Variants in ZNF74 observed in about 807,000 individuals in gnomAD.
ZNF74 encodes zinc finger protein 74, also known as zinc finger protein 520.
ZNF74 carries 12 observed loss-of-function variants against 17.7 expected under a neutral mutation model. That is an observed-to-expected ratio of 0.68 (90% CI 0.43 to 1.10). ZNF74 has a LOEUF of 1.10. ZNF74 is among the 50% of genes least tolerant of loss of function. The pLI, the probability that ZNF74 is intolerant of heterozygous loss-of-function variation, is 0.00. For missense variants in ZNF74, 811 were observed against 881.0 expected, an observed-to-expected ratio of 0.92 and a Z score of 1.01; for synonymous variants, 358 against 362.1, an observed-to-expected ratio of 0.99 and a Z score of 0.13.
chr22:20,405,313 T>C, intron 4 of ZNF74, 64 bp from the exon 5 acceptor site: 1 of 1,515,122 alleles, frequency 6.6e-7, no homozygotes, highest in South Asian at 1.3e-5. Flanking sequence ...AGGCCAATTC[T>C]CAAATCTGAA....
At chr22:20,397,693 TCA>T (rs2052310859) in intron 2 of ZNF74, among the ~76,000 whole-genome samples, 2 of 152,230 alleles carry the variant, frequency 1.3e-5, no homozygotes, top group Non-Finnish European at 2.9e-5. Context: ...GTTGTGTGAA[TCA>T]GTAGTTTGTT....
chr22:20,396,829 C>T (rs191328713), intron 2 of ZNF74, among the ~76,000 whole-genome samples: 3 of 152,214 alleles, frequency 2.0e-5, no homozygotes, highest in Non-Finnish European at 4.4e-5. Context: ...GTCATTACCA[C>T]ATCAGCATCT....
Position 20,405,767 on chromosome 22 carries a change from A to G in ZNF74, c.734A>G (p.Glu245Gly). ...VRRQRGAGAG[E>G]GEFVCGECGK... ...CGGCAGCGCGGGGCGGGCGCCGGGG[A>G]GGGCGAGTTCGTGTGCGGCGAGTGC... Residue 245 changes from glutamate (E) to glycine (G), a missense_variant, in exon 5 of 5, where the codon GAG becomes GGG. This residue lies in a region of ZNF74 where 666 missense variants were observed against 702.3 expected (regional missense o/e 0.95). Coordinates refer to ENST00000400451, the MANE Select transcript of ZNF74 (RefSeq NM_003426.4). 1 of 1,607,928 alleles carries G rather than the reference A, an allele frequency of 6.2e-7. No homozygotes were observed. The highest frequency in any genetic ancestry group is 8.5e-7 in the Non-Finnish European group (1 of 1,177,628).
In ZNF74 at chr22:20,394,269, G is replaced by T; in HGVS notation, c.-360G>T. The T allele has an allele frequency of 1.4e-6, 1 of 706,818 alleles. No homozygotes were observed. Among genetic ancestry groups the T allele is most frequent in the Non-Finnish European group, 2.6e-6 (1 of 381,898 alleles). The allele number at this position is 706,818 out of a possible 1,614,324, so 43.8% of individuals were successfully genotyped here. ...CTGTCCGCTTCGGGACCTGTCCGCT[G>T]GTCGCTCCGCGTCCGATGGCTCCTG... On this transcript the variant is annotated 5_prime_UTR_variant, in exon 1 of 5. Coordinates refer to ENST00000400451, the MANE Select transcript of ZNF74 (RefSeq NM_003426.4).
rs1432688313 is a variant in ZNF74, at chr22:20,401,528, C to T, written c.343+156C>T. Among the ~76,000 whole-genome samples, 1 of 152,242 alleles carries T rather than the reference C, an allele frequency of 6.6e-6. No individual in the cohort carries two copies. The highest frequency in any genetic ancestry group is 1.5e-5 in the Non-Finnish European group (1 of 68,044). ...CCTGCCTGCCTCCCTTCAGCACGTACTGAGCACTGCCTGTGTGCTGAGACC... is the reference window on the plus strand; with the variant it reads ...CCTGCCTGCCTCCCTTCAGCACGTATTGAGCACTGCCTGTGTGCTGAGACC... On this transcript the variant is annotated intron_variant, in intron 4 of 4. Coordinates refer to ENST00000400451, the MANE Select transcript of ZNF74 (RefSeq NM_003426.4). This position sits in a 1 kb window ranked among gnomAD's most constrained non-coding sequence, Gnocchi z 4.2.
chr22:20,401,129 G>C lies in ZNF74; in HGVS notation c.248-148G>C. ...CACTGGGATTTGGGTTCCAGTCTGAGACCCTCACTGCTTTTGGCCCAGAGG... is the reference window on the plus strand; with the variant it reads ...CACTGGGATTTGGGTTCCAGTCTGACACCCTCACTGCTTTTGGCCCAGAGG... On this transcript the variant is annotated intron_variant, in intron 3 of 4. Coordinates refer to ENST00000400451, the MANE Select transcript of ZNF74 (RefSeq NM_003426.4). This position sits in a 1 kb window ranked among gnomAD's most constrained non-coding sequence, Gnocchi z 4.2. 1 of 621,944 alleles carries C rather than the reference G, an allele frequency of 1.6e-6. No homozygotes were observed. Among genetic ancestry groups the C allele is most frequent in the Non-Finnish European group, 2.9e-6 (1 of 346,972 alleles). The allele number at this position is 621,944 out of a possible 1,614,324, so 38.5% of individuals were successfully genotyped here.
intron 2 of ZNF74, chr22:20,399,531 G>C: frequency 2.7e-6 from 1 of 364,600 alleles, no homozygotes; most frequent in South Asian, 2.0e-5. Flanking sequence ...TAAACTATTC[G>C]CATTTAGTGT....
rs936457586 is a variant in ZNF74 at position 20,408,297 on chromosome 22, C to G, written c.*1329C>G. 6.6e-6 allele frequency: 1 copy of G among 152,202 alleles called. No homozygotes were observed. The highest frequency in any genetic ancestry group is 2.4e-5 in the African/African-American group (1 of 41,436). 9.4% of individuals were successfully genotyped at this position (152,202 alleles called of 1,614,324 possible). A position where few individuals can be genotyped will look rare whatever the true frequency, so the allele number is the denominator to read the frequency against. ...TAGTCCTAAGCAAGAATAAGCTGCCCTCTTGGTGATCATACTTTATACGGA... is the reference window on the plus strand; with the variant it reads ...TAGTCCTAAGCAAGAATAAGCTGCCGTCTTGGTGATCATACTTTATACGGA... On this transcript the variant is annotated 3_prime_UTR_variant, in exon 5 of 5. Coordinates refer to ENST00000400451, the MANE Select transcript of ZNF74 (RefSeq NM_003426.4).
At chr22:20,394,744 C>A in intron 1 of ZNF74, 82 bp downstream of exon 1, 1 of 1,371,468 alleles carries the variant, frequency 7.3e-7, no homozygotes, top group Non-Finnish European at 1.0e-6. Context: ...GGCCAGTTTC[C>A]CAGAAGCATC....
At chr22:20,402,939 T>C (rs1223177157) in intron 4 of ZNF74, among the ~76,000 whole-genome samples, 2 of 152,016 alleles carry the variant, frequency 1.3e-5, no homozygotes, top group Non-Finnish European at 2.9e-5. Context: ...ACCATTGCAC[T>C]CCAGCCTGTG....
chr22:20,402,801 CAA>C (rs361884), intron 4 of ZNF74, among the ~76,000 whole-genome samples: 4,458 of 107,452 alleles, frequency 0.041, 223 homozygotes, highest in African/African-American at 0.14. Context: ...AATTCCATCT[CAA>C]AAAAAAAAAA....
At chr22:20,400,936 A>G (rs4581986) in intron 3 of ZNF74, 178 bp downstream of exon 3, 220,123 of 708,632 alleles carry the variant, frequency 0.31, 38,548 homozygotes, top group African/African-American at 0.62. Context: ...GAAGTCCCCA[A>G]GGGACAGCGT....
intron 4 of ZNF74, among the ~76,000 whole-genome samples, chr22:20,402,917 A>C (rs886273952): frequency 6.6e-6 from 1 of 152,076 alleles, no homozygotes; most frequent in Non-Finnish European, 1.5e-5. Context: ...GGTTGCAGTG[A>C]GCCATGATCG....
intron 2 of ZNF74, 123 bp downstream of exon 2, chr22:20,395,541 C>G: frequency 1.5e-6 from 1 of 679,094 alleles, no homozygotes; most frequent in Non-Finnish European, 2.5e-6. Context: ...TCAGGAAGCT[C>G]TGGGCAGTGG....
At position 20,406,354 on chromosome 22, in the gene ZNF74, G is replaced by T. The variant is rs751030440; in HGVS notation, c.1321G>T (p.Glu441Ter). The T allele has an allele frequency of 6.2e-7, 1 of 1,613,352 alleles. No homozygotes were observed. The highest frequency in any genetic ancestry group is 1.7e-5 in the Admixed American group (1 of 60,008). ...LTLHQRTHTGEKPFKCADCGK... is the reference protein window; with the variant it reads ...LTLHQRTHTG ...CCTCCACCAGAGGACGCACACGGGCGAGAAGCCCTTCAAGTGCGCCGACTG... is the reference window on the plus strand; with the variant it reads ...CCTCCACCAGAGGACGCACACGGGCTAGAAGCCCTTCAAGTGCGCCGACTG... Residue 441 changes from glutamate (E) to a stop codon, truncating the protein, a stop_gained, in exon 5 of 5, where the codon GAG becomes TAG. Coordinates refer to ENST00000400451, the MANE Select transcript of ZNF74 (RefSeq NM_003426.4). LOFTEE classifies it low-confidence loss of function (END_TRUNC).
intron 2 of ZNF74, among the ~76,000 whole-genome samples, chr22:20,396,272 T>C (rs142076095): frequency 6.6e-4 from 101 of 152,174 alleles, no homozygotes; most frequent in African/African-American, 2.2e-3. Context: ...TTGTGAGCTG[T>C]GCCTCACTTC....
At position 20,401,115 on chromosome 22, in the gene ZNF74, G is replaced by C. The variant is rs2052352219; in HGVS notation, c.248-162G>C. On this transcript the variant is annotated intron_variant, in intron 3 of 4. Transcript: ENST00000400451. The surrounding 1 kb of genome is among the most constrained non-coding windows in gnomAD (Gnocchi z 4.2). Reference sequence around the variant, plus strand: ...GTCTTCAGAGTATACACTGGGATTTGGGTTCCAGTCTGAGACCCTCACTGC... The same window carrying C: ...GTCTTCAGAGTATACACTGGGATTTCGGTTCCAGTCTGAGACCCTCACTGC... 6.6e-6 allele frequency: 4 copies of C among 609,390 alleles called. No individual in the cohort carries two copies. The highest frequency in any genetic ancestry group is 1.2e-5 in the Non-Finnish European group (4 of 340,556). The allele number at this position is 609,390 out of a possible 1,614,324, so 37.7% of individuals were successfully genotyped here.
In ZNF74 at chr22:20,401,131, C is replaced by A; in HGVS notation, c.248-146C>A. The A allele has an allele frequency of 3.2e-6, 2 of 623,498 alleles. No individual in the cohort carries two copies. The highest frequency in any genetic ancestry group is 1.9e-5 in the South Asian group (1 of 51,700). 38.6% of individuals were successfully genotyped at this position (623,498 alleles called of 1,614,324 possible). On this transcript the variant is annotated intron_variant, in intron 3 of 4. Coordinates refer to ENST00000400451, the MANE Select transcript of ZNF74 (RefSeq NM_003426.4). This position sits in a 1 kb window ranked among gnomAD's most constrained non-coding sequence, Gnocchi z 4.2. ...CTGGGATTTGGGTTCCAGTCTGAGACCCTCACTGCTTTTGGCCCAGAGGAC... is the reference window on the plus strand; with the variant it reads ...CTGGGATTTGGGTTCCAGTCTGAGAACCTCACTGCTTTTGGCCCAGAGGAC...
At chr22:20,394,761 C>CTTTT (rs112010963) in intron 1 of ZNF74, 99 bp downstream of exon 1, 40 of 910,374 alleles carry the variant, frequency 4.4e-5, no homozygotes, top group African/African-American at 5.4e-5. Flanking sequence ...CATCCAGCAT[C>CTTTT]TTTTTTTTTT....
Sources: allele counts gnomAD v4.1 joint callset (sites outside exome capture counted in the v4.1 genomes callset), GRCh38; gene constraint gnomAD v4.1.1; regional missense constraint gnomAD v4.1.1; non-coding constraint Gnocchi (gnomAD v3.1); transcripts MANE v1.5; gene names NCBI Gene and HGNC (gene_info 2026-07-23, HGNC 2026-07-21).